Variants in RABL3 observed in about 807,000 individuals in gnomAD.
The protein encoded by RABL3 is RAB, member of RAS oncogene family like 3, also known as rab-like protein 3.
In RABL3, 31 loss-of-function variants were observed where a neutral mutation model predicts 31.8. The observed-to-expected ratio is 0.97, with a 90% CI of 0.73 to 1.31. The LOEUF (loss-of-function observed/expected upper bound fraction) is 1.31, where lower values mean the gene tolerates loss of function less well. Among genes scored for constraint, RABL3 ranks in the 40% most tolerant of loss-of-function variants. The pLI is 0.00. For synonymous variants in RABL3, 97 were observed against 99.9 expected, an observed-to-expected ratio of 0.97 and a Z score of 0.18; for missense variants, 263 against 279.6, an observed-to-expected ratio of 0.94 and a Z score of 0.42.
At chr3:120,693,183 T>C (rs1708400094) in intron 6 of RABL3, among the ~76,000 whole-genome samples, 1 of 145,258 alleles carries the variant, frequency 6.9e-6, no homozygotes, top group African/African-American at 2.5e-5. Context: ...TTCCCACATA[T>C]CAGTTAAGAA....
At chr3:120,733,259 C>T (rs1037924671) in intron 1 of RABL3, among the ~76,000 whole-genome samples, 1 of 152,192 alleles carries the variant, frequency 6.6e-6, no homozygotes, top group Non-Finnish European at 1.5e-5. Context: ...GCCATTCTAA[C>T]TGGAGTGAAA....
intron 2 of RABL3, among the ~76,000 whole-genome samples, chr3:120,718,148 C>T (rs1233266914): frequency 6.6e-6 from 1 of 152,166 alleles, no homozygotes; most frequent in Non-Finnish European, 1.5e-5. Context: ...TCCATGGTTA[C>T]AAAATTCCAT....
At chr3:120,739,143 C>T (rs1709010340) in intron 1 of RABL3, among the ~76,000 whole-genome samples, 1 of 152,188 alleles carries the variant, frequency 6.6e-6, no homozygotes, top group Admixed American at 6.5e-5. Context: ...CTTTGGGAGG[C>T]TGAGGCAGGC....
At chr3:120,701,306 G>A (rs1708489266) in intron 4 of RABL3, among the ~76,000 whole-genome samples, 1 of 151,932 alleles carries the variant, frequency 6.6e-6, no homozygotes, top group Non-Finnish European at 1.5e-5. Flanking sequence ...TTCGTTGCTC[G>A]GACACTAGGG....
At chr3:120,737,643 T>C (rs756120900) in intron 1 of RABL3, among the ~76,000 whole-genome samples, 4 of 152,190 alleles carry the variant, frequency 2.6e-5, no homozygotes, top group Non-Finnish European at 5.9e-5. Flanking sequence ...TTTTTCCCCA[T>C]CTTTGTGGTT....
chr3:120,722,859 T>C (rs910939172), intron 2 of RABL3, among the ~76,000 whole-genome samples: 16 of 151,758 alleles, frequency 1.1e-4, no homozygotes, highest in African/African-American at 2.9e-4. Flanking sequence ...AGATCTAAAA[T>C]TGACACCCTA....
chr3:120,709,357 C>A (rs1364574779), intron 3 of RABL3, among the ~76,000 whole-genome samples: 1 of 151,818 alleles, frequency 6.6e-6, no homozygotes, highest in Non-Finnish European at 1.5e-5. Context: ...TGAGAAAGAG[C>A]CTTAGGGCTC....
chr3:120,737,599 C>G (rs894786625), intron 1 of RABL3, among the ~76,000 whole-genome samples: 1 of 152,194 alleles, frequency 6.6e-6, no homozygotes, highest in Non-Finnish European at 1.5e-5. Flanking sequence ...GAGAGGTGCT[C>G]TGATTTTTAG....
chr3:120,723,441 C>T lies in RABL3; in HGVS notation c.138+7255G>A, dbSNP rs60825970. On this transcript the variant is annotated intron_variant, in intron 2 of 7. Transcript: ENST00000273375. The stretch of plus-strand genomic sequence containing the variant: ...GAAAAAGGGGGAATCCTCCCTAACT[C>T]ATTTTATGAGGCCAGCATCATCCTG... 5.6e-3 allele frequency among the ~76,000 whole-genome samples: 854 copies of T among 152,304 alleles called. 11 individuals carry two copies. The highest frequency in any genetic ancestry group is 0.02 in the African/African-American group (822 of 41,566).
chr3:120,731,942 C>G (rs1708888582), intron 1 of RABL3, among the ~76,000 whole-genome samples: 1 of 152,028 alleles, frequency 6.6e-6, no homozygotes, highest in Non-Finnish European at 1.5e-5. Flanking sequence ...GTCTGTAGTC[C>G]TAGCTACTCA....
At chr3:120,738,018 G>C (rs1221070978) in intron 1 of RABL3, among the ~76,000 whole-genome samples, 1 of 152,214 alleles carries the variant, frequency 6.6e-6, no homozygotes, top group Non-Finnish European at 1.5e-5. Context: ...CAAACTCTGT[G>C]CTGGGAGAAC....
intron 5 of RABL3, among the ~76,000 whole-genome samples, chr3:120,695,329 A>C (rs996779139): frequency 6.6e-6 from 1 of 152,158 alleles, no homozygotes; most frequent in Non-Finnish European, 1.5e-5. Context: ...ATCACAGAGT[A>C]CTAGAAATTA....
At chr3:120,712,435 A>T (rs1249921996) in intron 2 of RABL3, among the ~76,000 whole-genome samples, 1 of 152,212 alleles carries the variant, frequency 6.6e-6, no homozygotes, top group Admixed American at 6.5e-5. Context: ...TGTTTTAGCA[A>T]GATTTCTAAG....
At chr3:120,734,047 T>G (rs1175101815) in intron 1 of RABL3, among the ~76,000 whole-genome samples, 1 of 152,192 alleles carries the variant, frequency 6.6e-6, no homozygotes, top group Non-Finnish European at 1.5e-5. Flanking sequence ...CTTTTTTGGT[T>G]CCACGTGAAC....
intron 2 of RABL3, among the ~76,000 whole-genome samples, chr3:120,711,725 C>T (rs904425039): frequency 7.9e-5 from 12 of 152,100 alleles, no homozygotes; most frequent in Non-Finnish European, 1.8e-4. Context: ...GAGTACACAT[C>T]GGCATTTTCC....
Position 120,730,688 on chromosome 3 carries a change from A to G in RABL3, c.138+8T>C, listed in dbSNP as rs771198526. 1.9e-6 allele frequency: 3 copies of G among 1,591,862 alleles called. No homozygotes were observed. The East Asian group carries it at 6.7e-5, about 36-fold the overall frequency. On this transcript the variant is annotated splice_region_variant and intron_variant, in intron 2 of 7. Coordinates refer to ENST00000273375, the MANE Select transcript of RABL3 (RefSeq NM_173825.5). ...TTATTGAAAAACTAAAATATAAAAG[A>G]CACATACTCTGACATCCACTGAGCA...
intron 2 of RABL3, among the ~76,000 whole-genome samples, chr3:120,711,021 T>C (rs1260200595): frequency 1.3e-5 from 2 of 152,088 alleles, no homozygotes. Context: ...CAGTTTTCAT[T>C]TTACTCCACC....
intron 6 of RABL3, 136 bp from the exon 7 acceptor site, chr3:120,690,623 T>G: frequency 3.4e-6 from 2 of 580,938 alleles, no homozygotes; most frequent in Non-Finnish European, 6.2e-6. Context: ...TGTAGTACAG[T>G]CAGCTAAAAA....
At chr3:120,741,381 T>C (rs1431395767) in intron 1 of RABL3, among the ~76,000 whole-genome samples, 1 of 152,256 alleles carries the variant, frequency 6.6e-6, no homozygotes, top group Non-Finnish European at 1.5e-5. Flanking sequence ...GAAAACATTC[T>C]TAACCTATAT....
Sources: allele counts gnomAD v4.1 joint callset (sites outside exome capture counted in the v4.1 genomes callset), GRCh38; gene constraint gnomAD v4.1.1; transcripts MANE v1.5; gene names NCBI Gene and HGNC (gene_info 2026-07-23, HGNC 2026-07-21).